Variants in SETBP1 observed in about 807,000 individuals in gnomAD.
SETBP1 encodes SET-binding protein.
A neutral mutation model predicts 101.0 loss-of-function variants in SETBP1; 9 were observed. The ratio of observed to expected loss-of-function variants is 0.09; its 90% CI spans 0.05 to 0.16. The LOEUF is 0.16. Among genes scored for constraint, SETBP1 ranks in the 10% least tolerant of loss-of-function variants. SETBP1 has a pLI of 1.00. For synonymous variants in SETBP1, 818 were observed against 788.5 expected, an observed-to-expected ratio of 1.04 and a Z score of -0.63; for missense variants, 1,858 against 2,033.8, an observed-to-expected ratio of 0.91 and a Z score of 1.66.
chr18:44,811,980 A>T (rs941403642), intron 2 of SETBP1, among the ~76,000 whole-genome samples: 8 of 152,186 alleles, frequency 5.3e-5, no homozygotes, highest in African/African-American at 1.9e-4. Context: ...CCCATTCCCC[A>T]TAGAAATTAG....
At chr18:44,932,087 C>T (rs1459072672) in intron 3 of SETBP1, among the ~76,000 whole-genome samples, 2 of 152,148 alleles carry the variant, frequency 1.3e-5, no homozygotes, top group African/African-American at 4.8e-5. Flanking sequence ...CTGGTTGTTC[C>T]TTTCCATGTT....
intron 2 of SETBP1, among the ~76,000 whole-genome samples, chr18:44,725,941 C>T (rs557807809): frequency 6.6e-6 from 1 of 151,972 alleles, no homozygotes; most frequent in South Asian, 2.1e-4. Context: ...TAATAGTGGC[C>T]AGGGGTGGGG....
chr18:44,829,120 T>A (rs2072302549), intron 2 of SETBP1, among the ~76,000 whole-genome samples: 1 of 152,184 alleles, frequency 6.6e-6, no homozygotes, highest in Non-Finnish European at 1.5e-5. Flanking sequence ...CAATCTCCAT[T>A]TAATGGTGGG....
intron 3 of SETBP1, among the ~76,000 whole-genome samples, chr18:44,901,719 T>G (rs1336750144): frequency 6.6e-6 from 1 of 152,192 alleles, no homozygotes; most frequent in African/African-American, 2.4e-5. Context: ...ATAAATATGC[T>G]GCACATAGAA....
chr18:44,971,248 G>A (rs1007890855), intron 4 of SETBP1, among the ~76,000 whole-genome samples: 1 of 152,132 alleles, frequency 6.6e-6, no homozygotes, highest in African/African-American at 2.4e-5. Context: ...GTGTATATGT[G>A]CCACATTTTC....
intron 4 of SETBP1, among the ~76,000 whole-genome samples, chr18:44,959,498 A>G (rs1421294073): frequency 6.6e-6 from 1 of 152,230 alleles, no homozygotes; most frequent in African/African-American, 2.4e-5. Context: ...GCTTGTTGCA[A>G]TCCCAGAAAG....
chr18:44,910,348 T>A (rs1270394172), intron 3 of SETBP1, among the ~76,000 whole-genome samples: 2 of 152,156 alleles, frequency 1.3e-5, no homozygotes, highest in Non-Finnish European at 2.9e-5. Context: ...TAAAGAAAGG[T>A]GTTTTTTAGC....
intron 3 of SETBP1, among the ~76,000 whole-genome samples, chr18:44,921,614 T>A (rs2070581833): frequency 6.6e-6 from 1 of 152,204 alleles, no homozygotes; most frequent in Non-Finnish European, 1.5e-5. Flanking sequence ...TTTTTTATCA[T>A]CATAGTCAGT....
At chr18:44,909,973 C>T (rs973309098) in intron 3 of SETBP1, among the ~76,000 whole-genome samples, 3 of 152,158 alleles carry the variant, frequency 2.0e-5, no homozygotes, top group African/African-American at 7.2e-5. Flanking sequence ...CAAGGAAGCA[C>T]CTTCCAAGAT....
At chr18:44,789,721 G>T (rs1425854223) in intron 2 of SETBP1, among the ~76,000 whole-genome samples, 1 of 152,186 alleles carries the variant, frequency 6.6e-6, no homozygotes, top group African/African-American at 2.4e-5. Flanking sequence ...AACGGAGAAG[G>T]GAGTAGGATG....
intron 4 of SETBP1, among the ~76,000 whole-genome samples, chr18:44,954,818 T>G (rs150970904): frequency 6.6e-6 from 1 of 152,214 alleles, no homozygotes; most frequent in East Asian, 1.9e-4. Context: ...CTTGGTTTTA[T>G]GCAGAGTGCA....
chr18:44,716,806 A>G (rs1347132283), intron 2 of SETBP1, among the ~76,000 whole-genome samples: 1 of 151,854 alleles, frequency 6.6e-6, no homozygotes, highest in Non-Finnish European at 1.5e-5. Context: ...CAAGTGATCC[A>G]CCCACCTTGG....
chr18:44,731,026 T>A (rs1275522211), intron 2 of SETBP1, among the ~76,000 whole-genome samples: 1 of 152,212 alleles, frequency 6.6e-6, no homozygotes, highest in Non-Finnish European at 1.5e-5. Flanking sequence ...GTCTGTCAGC[T>A]CTTCTCCATG....
intron 4 of SETBP1, among the ~76,000 whole-genome samples, chr18:45,015,794 A>G (rs749534124): frequency 2.0e-5 from 3 of 152,254 alleles, no homozygotes; most frequent in Non-Finnish European, 2.9e-5. Flanking sequence ...AAAATAGATC[A>G]TAAGTATGAC....
At chr18:44,912,377 A>G (rs900802679) in intron 3 of SETBP1, among the ~76,000 whole-genome samples, 1 of 152,178 alleles carries the variant, frequency 6.6e-6, no homozygotes, top group Non-Finnish European at 1.5e-5. Flanking sequence ...AGAGGACCAT[A>G]TATGTTGTGA....
At position 45,065,713 on chromosome 18, in the gene SETBP1, G is replaced by C. The variant is rs1403251235; in HGVS notation, c.*2015G>C. 1 of 152,196 alleles carries C rather than the reference G, an allele frequency of 6.6e-6. No homozygotes were observed. Among genetic ancestry groups the C allele is most frequent in the Non-Finnish European group, 1.5e-5 (1 of 68,042 alleles). 9.4% of individuals were successfully genotyped at this position (152,196 alleles called of 1,614,324 possible). On this transcript the variant is annotated 3_prime_UTR_variant, in exon 6 of 6. Coordinates refer to ENST00000649279, the MANE Select transcript of SETBP1 (RefSeq NM_015559.3). ...CAATCGCATTTAATCCTAGCAATAT[G>C]TAAGTTTAAAGGACTGCATTCCCCT...
chr18:44,946,404 T>G (rs983955822), intron 3 of SETBP1, among the ~76,000 whole-genome samples: 4 of 152,208 alleles, frequency 2.6e-5, no homozygotes, highest in African/African-American at 7.2e-5. Context: ...TAGGGTGAAA[T>G]CCACCCTTCT....
intron 2 of SETBP1, among the ~76,000 whole-genome samples, chr18:44,763,866 C>G (rs1221112537): frequency 6.6e-6 from 1 of 152,178 alleles, no homozygotes; most frequent in Non-Finnish European, 1.5e-5. Flanking sequence ...CTCTTTATCT[C>G]CCTGACCTCT....
intron 4 of SETBP1, among the ~76,000 whole-genome samples, 169 bp from the exon 5 acceptor site, chr18:45,038,316 C>T (rs954505518): frequency 1.3e-5 from 2 of 152,182 alleles, no homozygotes; most frequent in Non-Finnish European, 2.9e-5. Flanking sequence ...AAAGCAAAAC[C>T]AGTCATAGCT....
Sources: allele counts gnomAD v4.1 joint callset (sites outside exome capture counted in the v4.1 genomes callset), GRCh38; gene constraint gnomAD v4.1.1; transcripts MANE v1.5; gene names NCBI Gene and HGNC (gene_info 2026-07-23, HGNC 2026-07-21).